CCDC78: variants seen among roughly 807,000 people sequenced by gnomAD.
The protein encoded by CCDC78 is coiled-coil domain-containing protein 78.
In CCDC78, 78 loss-of-function variants were observed where a neutral mutation model predicts 61.9. The ratio of observed to expected loss-of-function variants is 1.26; its 90% CI spans 1.05 to 1.52. CCDC78 has a LOEUF of 1.52. CCDC78 is among the 40% of genes most tolerant of loss of function. The pLI is 0.00. For synonymous variants in CCDC78, 287 were observed against 251.9 expected, an observed-to-expected ratio of 1.14 and a Z score of -1.32; for missense variants, 737 against 615.5, an observed-to-expected ratio of 1.20 and a Z score of -2.09.
chr16:726,523 C>T (rs760747285), upstream of CCDC78: 6 of 833,630 alleles, frequency 7.2e-6, no homozygotes, highest in Non-Finnish European at 1.1e-5. Flanking sequence ...CCGGCCAGAC[C>T]GGTGGTTGCT....
At chr16:723,572 C>A (rs187550620) in intron 11 of CCDC78, 3 of 681,260 alleles carry the variant, frequency 4.4e-6, no homozygotes, top group Non-Finnish European at 8.1e-6. Flanking sequence ...CCACCCCTCG[C>A]GTCCTCCAGG....
At position 725,115 on chromosome 16, in the gene CCDC78, G is replaced by A; in HGVS notation, c.523C>T (p.His175Tyr). The A allele has an allele frequency of 6.2e-7, 1 of 1,612,790 alleles. No homozygotes were observed. The highest frequency in any genetic ancestry group is 8.5e-7 in the Non-Finnish European group (1 of 1,179,980). Reference sequence around the variant, plus strand: ...AGTGCCTGCTGCCGGGCCTCCTGATGCTCCAGCGCCCACTTCACTTCCCCC... The same window carrying A: ...AGTGCCTGCTGCCGGGCCTCCTGATACTCCAGCGCCCACTTCACTTCCCCC... ...LQGEVKWALE[H>Y]QEARQQALVT... The change falls in exon 6 of 14, where the codon CAT (histidine) becomes TAT (tyrosine). Residue 175 changes from histidine (H) to tyrosine (Y), a missense_variant. By Grantham distance (83) the His-to-Tyr change is moderately conservative (BLOSUM62 2). Transcript: ENST00000345165.
chr16:725,353 C>G (rs1052907949), intron 4 of CCDC78, 60 bp from the exon 5 acceptor site: 2 of 1,611,452 alleles, frequency 1.2e-6, no homozygotes, highest in African/African-American at 2.7e-5. Flanking sequence ...TTCACTGAGG[C>G]CCCTGCTGAG....
intron 3 of CCDC78, 85 bp from the exon 4 acceptor site, chr16:725,665 C>T (rs917757759): frequency 9.3e-5 from 147 of 1,577,446 alleles, no homozygotes; most frequent in Non-Finnish European, 1.1e-4. Flanking sequence ...CGCTCAGGGG[C>T]GCGCAGCACT....
chr16:723,014 C>T lies in CCDC78; in HGVS notation c.1209G>A (p.Leu403=). The T allele has an allele frequency of 6.2e-7, 1 of 1,612,600 alleles. No individual in the cohort carries two copies. The highest frequency in any genetic ancestry group is 8.5e-7 in the Non-Finnish European group (1 of 1,180,000). Residue 403 remains leucine, a synonymous_variant, in exon 13 of 14, where the codon CTG becomes CTA. Transcript: ENST00000345165. ...CCAGCAGCTGTGCCCGCTCCCGTTC[C>T]AGCTCTGCCTGGCATGGGGATGTAA... ...RDFSRSTQAE[L]ERERAQLLVR...
rs571666203 is a variant in CCDC78, at chr16:725,885, G to A, written c.181-5C>T. ...GTCGACCAGCTCCTTGGAGATCTGT[G>A]GGTGGCCAGGTGAGAGGTGGCGTCT... On this transcript the variant is annotated splice_region_variant and splice_polypyrimidine_tract_variant and intron_variant, in intron 2 of 13. Coordinates refer to ENST00000345165, the MANE Select transcript of CCDC78 (RefSeq NM_001378030.1). The A allele has an allele frequency of 5.0e-6, 8 of 1,608,088 alleles. No homozygotes were observed. In the African/African-American group the frequency reaches 6.7e-5, roughly 13 times the overall value.
chr16:725,340 A>C (rs1286499777), intron 4 of CCDC78, 47 bp from the exon 5 acceptor site: 1 of 1,611,098 alleles, frequency 6.2e-7, no homozygotes, highest in Admixed American at 1.7e-5. Flanking sequence ...GGTGAGCCCC[A>C]GTTTCACTGA....
chr16:722,601 T>C lies in CCDC78; in HGVS notation c.*77A>G. 3 of 1,586,334 alleles carry C rather than the reference T, an allele frequency of 1.9e-6. No homozygotes were observed. The highest frequency in any genetic ancestry group is 1.4e-5 in the African/African-American group (1 of 73,976). On this transcript the variant is annotated 3_prime_UTR_variant, in exon 14 of 14. Transcript: ENST00000345165. ...ACTCTGTGGGTTCTATCCTGACTCATGTTTTATGGGGGGCTGGGTGGGAGG... is the reference window on the plus strand; with the variant it reads ...ACTCTGTGGGTTCTATCCTGACTCACGTTTTATGGGGGGCTGGGTGGGAGG...
In CCDC78 at chr16:724,368, G is replaced by A; in HGVS notation, c.907C>T (p.Leu303=). ...TCATGCCTGCGGCTCAGATCCACCA[G>A]CCTCTTGTGGTAGCTGCGGGCAGCC... ...ARAARSYHKR[L]VDLSRRHEEL... Residue 303 remains leucine (L), a synonymous_variant, in exon 9 of 14, where the codon CTG becomes TTG. Transcript: ENST00000345165. The A allele has an allele frequency of 6.2e-7, 1 of 1,612,300 alleles. No individual in the cohort carries two copies. The highest frequency in any genetic ancestry group is 8.5e-7 in the Non-Finnish European group (1 of 1,179,932).
intron 11 of CCDC78, chr16:723,646 C>G: frequency 1.4e-6 from 1 of 700,260 alleles, no homozygotes; most frequent in Non-Finnish European, 2.6e-6. Flanking sequence ...CCAGCTCCAC[C>G]TGCAGCAGCC....
intron 8 of CCDC78, 36 bp from the exon 9 acceptor site, chr16:724,545 C>A: frequency 6.4e-7 from 1 of 1,571,734 alleles, no homozygotes; most frequent in Non-Finnish European, 8.6e-7. Flanking sequence ...TGGGGCCCAC[C>A]CCCCATCTTT....
In CCDC78 at chr16:724,962, T is replaced by C; in HGVS notation, c.588A>G (p.Gly196=). ...RVATLGRQLQ[G]AREEARAAGQ... ...CGGCTGCCCTGGCCTCCTCTCGGGC[T>C]CCCTGCAGCTGCCGGCCCAGGGTTG... The change falls in exon 7 of 14, where the codon GGA becomes GGG. Residue 196 remains glycine, a synonymous_variant. Transcript: ENST00000345165. The C allele has an allele frequency of 1.2e-6, 2 of 1,611,694 alleles. No homozygotes were observed. Among genetic ancestry groups the C allele is most frequent in the African/African-American group, 2.7e-5 (2 of 75,000 alleles).
Position 725,136 on chromosome 16 carries a change from C to A in CCDC78, c.502G>T (p.Glu168Ter), listed in dbSNP as rs777794522. 17 of 1,612,804 alleles carry A rather than the reference C, an allele frequency of 1.1e-5. No homozygotes were observed. The South Asian group carries it at 1.8e-4, about 17-fold the overall frequency. Residue 168 changes from glutamate (E) to a stop codon, truncating the protein, a stop_gained, in exon 6 of 14, where the codon GAA becomes TAA. Coordinates refer to ENST00000345165, the MANE Select transcript of CCDC78 (RefSeq NM_001378030.1). LOFTEE classifies it high-confidence loss of function. The part of the protein sequence containing the change: ...QHRLGSGLQG[E>*]VKWALEHQEA... Reference sequence around the variant, plus strand: ...TGATGCTCCAGCGCCCACTTCACTTCCCCCTGCAGCTGTGGGGCACACAGG... The same window carrying A: ...TGATGCTCCAGCGCCCACTTCACTTACCCCTGCAGCTGTGGGGCACACAGG...
intron 11 of CCDC78, 160 bp from the exon 12 acceptor site, chr16:723,321 C>A: frequency 1.2e-6 from 1 of 825,270 alleles, no homozygotes; most frequent in African/African-American, 1.7e-5. Flanking sequence ...GCGCCCCCCC[C>A]AGGCCTTGGA....
At position 725,260 on chromosome 16, in the gene CCDC78, C is replaced by T; in HGVS notation, c.469G>A (p.Glu157Lys). The T allele has an allele frequency of 6.2e-7, 1 of 1,607,506 alleles. No homozygotes were observed. The highest frequency in any genetic ancestry group is 8.5e-7 in the Non-Finnish European group (1 of 1,179,976). Residue 157 changes from glutamate (E) to lysine (K), a missense_variant, in exon 5 of 14, where the codon GAG becomes AAG. By Grantham distance (56) the Glu-to-Lys change is moderately conservative. Transcript: ENST00000345165. Reference sequence around the variant, plus strand: ...ACGCCGCTCCCCAGCCTGTGCTGCTCATTCTCGGGGTTCATGGTGTTCTTG... The same window carrying T: ...ACGCCGCTCCCCAGCCTGTGCTGCTTATTCTCGGGGTTCATGGTGTTCTTG... ...QPKNTMNPEN[E>K]QHRLGSGLQG...
rs746844399 is a variant in CCDC78, at chr16:724,890, GCAGT to G, written c.639+17_639+20del. ...GGGCCCCCACCCTCCAGGTCTCCAA[GCAGT>G]CAGGGCAGAGCCTCACCACAGCCTG... On this transcript the variant is annotated intron_variant, in intron 7 of 13. Transcript: ENST00000345165. 178 of 1,595,584 alleles carry G rather than the reference GCAGT, an allele frequency of 1.1e-4. No homozygotes were observed. Among genetic ancestry groups the G allele is most frequent in the Admixed American group, 1.7e-4 (10 of 57,506 alleles).
rs1163577556 is a variant in CCDC78 at position 725,148 on chromosome 16, G to A, written c.493-3C>T. ...GCCCACTTCACTTCCCCCTGCAGCT[G>A]TGGGGCACACAGGGCTGGCTGGATG... On this transcript the variant is annotated splice_polypyrimidine_tract_variant and splice_region_variant and intron_variant, in intron 5 of 13. Coordinates refer to ENST00000345165, the MANE Select transcript of CCDC78 (RefSeq NM_001378030.1). 1 of 1,612,654 alleles carries A rather than the reference G, an allele frequency of 6.2e-7. No homozygotes were observed. Among genetic ancestry groups the A allele is most frequent in the East Asian group, 2.2e-5 (1 of 44,902 alleles).
chr16:723,941 A>C lies in CCDC78; in HGVS notation c.1054-5T>G, dbSNP rs1476018499. 2.5e-6 allele frequency: 4 copies of C among 1,603,156 alleles called. No individual in the cohort carries two copies. The highest frequency in any genetic ancestry group is 3.4e-6 in the Non-Finnish European group (4 of 1,174,718). ...CAGTGCCCCAGGCCCGCCGTGCTAC[A>C]GAGGTTTGTGGTGGGGACGTTTCAG... On this transcript the variant is annotated splice_region_variant and splice_polypyrimidine_tract_variant and intron_variant, in intron 10 of 13. Transcript: ENST00000345165.
Position 723,944 on chromosome 16 carries a change from G to A in CCDC78, c.1054-8C>T, listed in dbSNP as rs1422391844. ...TGCCCCAGGCCCGCCGTGCTACAGA[G>A]GTTTGTGGTGGGGACGTTTCAGTTG... On this transcript the variant is annotated splice_region_variant and splice_polypyrimidine_tract_variant and intron_variant, in intron 10 of 13. Coordinates refer to ENST00000345165, the MANE Select transcript of CCDC78 (RefSeq NM_001378030.1). 1 of 1,603,268 alleles carries A rather than the reference G, an allele frequency of 6.2e-7. No individual in the cohort carries two copies. The highest frequency in any genetic ancestry group is 1.1e-5 in the South Asian group (1 of 89,804).
Sources: gnomAD v4.1 joint callset for allele counts on GRCh38, gnomAD v4.1.1 for gene constraint, MANE v1.5 for transcripts, NCBI Gene and HGNC (gene_info 2026-07-23, HGNC 2026-07-21) for gene names.